The following EVL variants were observed in gnomAD, a reference collection of about 807,000 sequenced individuals.
The protein encoded by EVL is ena/VASP-like protein.
EVL carries 21 observed loss-of-function variants against 59.6 expected under a neutral mutation model. The ratio of observed to expected loss-of-function variants is 0.35; its 90% CI spans 0.25 to 0.51. The LOEUF (loss-of-function observed/expected upper bound fraction) is 0.51, where lower values mean the gene tolerates loss of function less well. Ranked by LOEUF, EVL falls within the 20% of genes least tolerant of loss-of-function variation. The pLI is 0.97. For synonymous variants in EVL, 198 were observed against 203.5 expected (o/e 0.97, Z 0.23); for missense variants, 462 against 546.6 (o/e 0.85, Z 1.54).
chr14:100,130,419 G>A lies in EVL; in HGVS notation c.839+735G>A, dbSNP rs918353089. The stretch of plus-strand genomic sequence containing the variant: ...GTGCTCACCTTGGACTACCAATATC[G>A]TGGCTCACTTAGGCACCAGAGGGCA... On this transcript the variant is annotated intron_variant, in intron 7 of 13. Coordinates refer to ENST00000392920, the MANE Select transcript of EVL (RefSeq NM_016337.3). This position sits in a 1 kb window ranked among gnomAD's most constrained non-coding sequence, Gnocchi z 4.8. Among the ~76,000 whole-genome samples the A allele has an allele frequency of 5.3e-5, 8 of 152,180 alleles. No individual in the cohort carries two copies. The highest frequency in any genetic ancestry group is 1.0e-4 in the Non-Finnish European group (7 of 68,022).
At chr14:99,995,914 G>A (rs1292216765) in intron 1 of EVL, among the ~76,000 whole-genome samples, 2 of 152,148 alleles carry the variant, frequency 1.3e-5, no homozygotes, top group East Asian at 3.8e-4. Context: ...GCTGTGGCAA[G>A]CCTTGGTACT....
chr14:100,106,252 T>A (rs554682981), intron 3 of EVL: 5 of 152,378 alleles, frequency 3.3e-5, no homozygotes, highest in African/African-American at 1.2e-4. Context: ...GAAAAAGCAC[T>A]TATTTTTTTA....
chr14:100,111,207 A>G (rs577417015), intron 3 of EVL, among the ~76,000 whole-genome samples: 1 of 123,198 alleles, frequency 8.1e-6, no homozygotes, highest in East Asian at 2.5e-4. Flanking sequence ...CCCAGGCCGG[A>G]GTGCAGTGGT....
intron 1 of EVL, among the ~76,000 whole-genome samples, chr14:100,032,400 AC>A (rs1315998542): frequency 6.6e-6 from 1 of 152,180 alleles, no homozygotes; most frequent in Non-Finnish European, 1.5e-5. Context: ...CCTGGTATGA[AC>A]AAAATACTAA....
intron 4 of EVL, among the ~76,000 whole-genome samples, 180 bp downstream of exon 4, chr14:100,123,782 G>A (rs552517352): frequency 5.3e-5 from 8 of 152,352 alleles, no homozygotes; most frequent in East Asian, 1.9e-4. Context: ...ATGCGCAGCC[G>A]CTGGTCCCGG....
Position 100,137,584 on chromosome 14 carries a change from G to C in EVL, c.971G>C (p.Gly324Ala). ...ASQPPNSSEA[G>A]RKPWERSNSV... ...CCATGAAATGAACTGACAGAGGCTG[G>C]CCGGAAGCCCTGGGAGCGGAGCAAC... The change falls in exon 10 of 14, where the codon GGC becomes GCC. Residue 324 changes from glycine (G) to alanine (A), a missense_variant. Coordinates refer to ENST00000392920, the MANE Select transcript of EVL (RefSeq NM_016337.3). 6.2e-7 allele frequency: 1 copy of C among 1,613,948 alleles called. No homozygotes were observed. Among genetic ancestry groups the C allele is most frequent in the Non-Finnish European group, 8.5e-7 (1 of 1,180,026 alleles).
chr14:100,112,345 G>A (rs922738197), intron 3 of EVL, among the ~76,000 whole-genome samples: 1 of 152,172 alleles, frequency 6.6e-6, no homozygotes, highest in Non-Finnish European at 1.5e-5. Context: ...GCCACTGTCT[G>A]ACTGGCTTGC....
chr14:100,064,697 G>A (rs896259851), upstream of EVL, among the ~76,000 whole-genome samples: 1 of 152,198 alleles, frequency 6.6e-6, no homozygotes, highest in African/African-American at 2.4e-5. Flanking sequence ...GATCACCTGA[G>A]GTCGGGAGTT....
At chr14:100,115,686 G>A (rs1887296288) in intron 3 of EVL, among the ~76,000 whole-genome samples, 1 of 152,212 alleles carries the variant, frequency 6.6e-6, no homozygotes, top group African/African-American at 2.4e-5. Flanking sequence ...ATTTCAGTGG[G>A]TCAGTTGGCT....
At chr14:99,990,706 T>C (rs2060869877) in intron 1 of EVL, among the ~76,000 whole-genome samples, 1 of 152,148 alleles carries the variant, frequency 6.6e-6, no homozygotes, top group Non-Finnish European at 1.5e-5. Context: ...AATATTATAC[T>C]CTATATATAT....
At chr14:100,025,705 G>A (rs2061198809) in intron 1 of EVL, among the ~76,000 whole-genome samples, 2 of 151,746 alleles carry the variant, frequency 1.3e-5, no homozygotes, top group Admixed American at 1.3e-4. Context: ...AGGCGGGTGG[G>A]TTACCTGAGG....
intron 1 of EVL, among the ~76,000 whole-genome samples, chr14:100,054,425 A>G (rs2061695342): frequency 6.6e-6 from 1 of 152,142 alleles, no homozygotes; most frequent in South Asian, 2.1e-4. Context: ...GCTAATTCCT[A>G]GAGACAGTAA....
intron 11 of EVL, chr14:100,139,681 A>G (rs1165248336): frequency 6.6e-6 from 1 of 152,308 alleles, no homozygotes; most frequent in African/African-American, 2.4e-5. Context: ...GCTGTGGGCA[A>G]CACTGGTCCT....
At chr14:100,125,260 ACAC>A (rs1449105320) in intron 4 of EVL, among the ~76,000 whole-genome samples, 2 of 114,250 alleles carry the variant, frequency 1.8e-5, no homozygotes, top group Non-Finnish European at 3.5e-5. Flanking sequence ...GAATACACAC[ACAC>A]ACACACACAC....
intron 1 of EVL, among the ~76,000 whole-genome samples, chr14:99,984,836 G>A (rs8019265): frequency 0.076 from 11,566 of 151,986 alleles, 480 homozygotes; most frequent in Middle Eastern, 0.11. Flanking sequence ...GGCTGGTCTC[G>A]AACTCCTGAC....
intron 1 of EVL, among the ~76,000 whole-genome samples, chr14:99,983,370 A>G (rs1402634177): frequency 2.0e-5 from 3 of 152,206 alleles, no homozygotes; most frequent in Non-Finnish European, 4.4e-5. Flanking sequence ...TGTGAAATTC[A>G]TGGAAGTCAT....
chr14:100,047,965 G>A (rs1432519495), intron 1 of EVL, among the ~76,000 whole-genome samples: 1 of 152,158 alleles, frequency 6.6e-6, no homozygotes, highest in Non-Finnish European at 1.5e-5. Context: ...TTATACAAAA[G>A]TTACTTCAAA....
Position 100,129,664 on chromosome 14 carries a change from G to A in EVL, c.819G>A (p.Met273Ile). Residue 273 changes from methionine (M) to isoleucine (I), a missense_variant, in exon 7 of 14, where the codon ATG (methionine) becomes ATA (isoleucine). By Grantham distance (10) the Met-to-Ile change is conservative. Coordinates refer to ENST00000392920, the MANE Select transcript of EVL (RefSeq NM_016337.3). The stretch of plus-strand genomic sequence containing the variant: ...GCGGAGGAGGCCTCATGGAGGAAAT[G>A]AACAAACTGCTGGCCAAGAGGTGGG... ...GGGGGGLMEE[M>I]NKLLAKRRKA... 6.3e-7 allele frequency: 1 copy of A among 1,586,922 alleles called. No homozygotes were observed. The highest frequency in any genetic ancestry group is 8.6e-7 in the Non-Finnish European group (1 of 1,165,324).
intron 1 of EVL, among the ~76,000 whole-genome samples, chr14:100,029,083 A>G (rs2061268355): frequency 6.6e-6 from 1 of 152,244 alleles, no homozygotes; most frequent in South Asian, 2.1e-4. Flanking sequence ...GTGAAAGTTT[A>G]ATCAGTTAAT....
Sources: gnomAD v4.1 joint callset for allele counts (sites outside exome capture counted in the v4.1 genomes callset) on GRCh38, gnomAD v4.1.1 for gene constraint, Gnocchi (gnomAD v3.1) non-coding constraint, MANE v1.5 for transcripts, NCBI Gene and HGNC (gene_info 2026-07-23, HGNC 2026-07-21) for gene names.